DIAPH3: variants seen among roughly 807,000 people sequenced by gnomAD.
DIAPH3 encodes diaphanous related formin 3.
In DIAPH3, 117 loss-of-function variants were observed where a neutral mutation model predicts 144.3. That is an observed-to-expected ratio of 0.81 (90% confidence interval 0.70 to 0.95). The LOEUF is 0.95. DIAPH3 is among the 40% of genes least tolerant of loss of function. DIAPH3 has a pLI of 0.00. For synonymous variants in DIAPH3, 519 were observed against 488.9 expected (o/e 1.06, Z -0.81); for missense variants, 1,421 against 1,412.7 (o/e 1.01, Z -0.09).
chr13:59,844,458 C>T lies in DIAPH3; in HGVS notation c.2738-5010G>A, dbSNP rs575427898. Among the ~76,000 whole-genome samples the T allele has an allele frequency of 1.5e-3, 222 of 149,270 alleles. 1 individual carries two copies. The highest frequency in any genetic ancestry group is 4.0e-3 in the South Asian group (19 of 4,700). On this transcript the variant is annotated intron_variant, in intron 22 of 27. Transcript: ENST00000400324. ...GGCAAAGCTTGCAGTGAGCTGAGAT[C>T]GCGCCACTGCACTCCAGCCTGGGTG...
At chr13:59,867,327 G>A (rs2043987337) in intron 21 of DIAPH3, among the ~76,000 whole-genome samples, 1 of 150,684 alleles carries the variant, frequency 6.6e-6, no homozygotes, top group African/African-American at 2.4e-5. Context: ...ACAAGCCTAA[G>A]GTGCTTATGC....
chr13:59,709,242 A>C (rs2034594016), intron 27 of DIAPH3, among the ~76,000 whole-genome samples: 1 of 152,216 alleles, frequency 6.6e-6, no homozygotes, highest in Non-Finnish European at 1.5e-5. Flanking sequence ...AAAACAACAG[A>C]TTGGCTACAG....
intron 27 of DIAPH3, among the ~76,000 whole-genome samples, chr13:59,766,875 C>A (rs528829170): frequency 6.6e-6 from 1 of 152,164 alleles, no homozygotes; most frequent in East Asian, 1.9e-4. Context: ...ACCAATACTG[C>A]GTTTCTCAAG....
intron 4 of DIAPH3, among the ~76,000 whole-genome samples, chr13:60,074,383 T>C (rs2057308824): frequency 1.3e-5 from 2 of 152,182 alleles, no homozygotes; most frequent in Non-Finnish European, 2.9e-5. Flanking sequence ...CAAGGAGCAG[T>C]CATTTATGCA....
intron 9 of DIAPH3, among the ~76,000 whole-genome samples, chr13:60,003,020 A>C (rs1416251945): frequency 6.6e-6 from 1 of 152,202 alleles, no homozygotes; most frequent in African/African-American, 2.4e-5. Context: ...GTCCTTTTCT[A>C]CTAAGGAAAA....
At chr13:60,033,308 T>C (rs527620585) in intron 5 of DIAPH3, among the ~76,000 whole-genome samples, 1 of 152,214 alleles carries the variant, frequency 6.6e-6, no homozygotes, top group African/African-American at 2.4e-5. Context: ...CATTTTCAGA[T>C]ATTTTTACAG....
chr13:60,140,103 C>G (rs948424897), intron 1 of DIAPH3, among the ~76,000 whole-genome samples: 3 of 152,198 alleles, frequency 2.0e-5, no homozygotes, highest in African/African-American at 7.2e-5. Context: ...TACTAAATTA[C>G]TTCTGAGAGT....
chr13:59,763,281 T>C (rs2037698519), intron 27 of DIAPH3, among the ~76,000 whole-genome samples: 2 of 139,398 alleles, frequency 1.4e-5, no homozygotes, highest in Non-Finnish European at 1.5e-5. Context: ...CATATATACA[T>C]ATATTCACAT....
At chr13:59,901,380 T>A (rs867544355) in intron 20 of DIAPH3, among the ~76,000 whole-genome samples, 1 of 152,184 alleles carries the variant, frequency 6.6e-6, no homozygotes, top group Non-Finnish European at 1.5e-5. Flanking sequence ...GTTTGTGGTC[T>A]CTTCTGTCTA....
chr13:59,898,757 A>G (rs539548801), intron 20 of DIAPH3, among the ~76,000 whole-genome samples: 1 of 152,290 alleles, frequency 6.6e-6, no homozygotes, highest in Non-Finnish European at 1.5e-5. Context: ...TACTAGGGAG[A>G]AAAATAATGC....
At chr13:59,790,595 C>G (rs1281129700) in intron 25 of DIAPH3, among the ~76,000 whole-genome samples, 1 of 152,078 alleles carries the variant, frequency 6.6e-6, no homozygotes, top group Non-Finnish European at 1.5e-5. Flanking sequence ...ATGTAGCATC[C>G]CATTAGTATT....
At chr13:60,014,253 C>A (rs2053477111) in intron 7 of DIAPH3, among the ~76,000 whole-genome samples, 1 of 152,090 alleles carries the variant, frequency 6.6e-6, no homozygotes, top group South Asian at 2.1e-4. Context: ...AAAAGGGCTT[C>A]CTAAACCAGT....
chr13:59,930,193 C>T (rs1338950463), intron 17 of DIAPH3, among the ~76,000 whole-genome samples: 4 of 152,088 alleles, frequency 2.6e-5, no homozygotes, highest in African/African-American at 4.8e-5. Context: ...TTTTGTCTTT[C>T]ATTCAGATAA....
intron 24 of DIAPH3, among the ~76,000 whole-genome samples, chr13:59,811,959 A>G (rs1314673392): frequency 1.4e-4 from 22 of 152,080 alleles, no homozygotes; most frequent in Admixed American, 1.4e-3. Flanking sequence ...GTGCCAACAA[A>G]GAGAGTAACA....
chr13:60,006,718 A>G (rs546633056), intron 9 of DIAPH3, among the ~76,000 whole-genome samples: 2 of 152,276 alleles, frequency 1.3e-5, no homozygotes, highest in Non-Finnish European at 2.9e-5. Flanking sequence ...AGAGAAAAGA[A>G]AAGAGGAGGA....
rs531066956 is a variant in DIAPH3, at chr13:59,955,542, C to T, written c.2074+14402G>A. 2.8e-4 allele frequency among the ~76,000 whole-genome samples: 42 copies of T among 152,122 alleles called. 1 individual carries two copies. In the South Asian group the frequency reaches 6.8e-3, roughly 25 times the overall value. ...ATATCTTTATTAGCAGCATGAGAAG[C>T]GACTAATACAGTAAATTGGCACTGC... On this transcript the variant is annotated intron_variant, in intron 17 of 27. Coordinates refer to ENST00000400324, the MANE Select transcript of DIAPH3 (RefSeq NM_001042517.2).
intron 20 of DIAPH3, among the ~76,000 whole-genome samples, chr13:59,898,134 C>CAAAAAAAAAAAAAAAAAAAAAAGAA (rs2046227699): frequency 1.4e-5 from 1 of 72,196 alleles, no homozygotes; most frequent in Non-Finnish European, 2.4e-5. Flanking sequence ...GACTCTGCCT[C>CAAAAAAAAAAAAAAAAAAAAAAGAA]AAAAAAAAAA....
chr13:60,051,001 G>C (rs1057294024), intron 4 of DIAPH3, among the ~76,000 whole-genome samples: 1 of 152,176 alleles, frequency 6.6e-6, no homozygotes, highest in Admixed American at 6.6e-5. Context: ...AAACTGTGAA[G>C]ATGATGTCCA....
Position 59,970,949 on chromosome 13 carries a change from C to G in DIAPH3, c.1862G>C (p.Gly621Ala). ...GATTGGTAGAGGAGGAGAATTTTGT[C>G]CTCCAAGGAATCCCAGGGGAGGTGG... is the stretch of plus-strand genomic sequence containing the variant. The part of the protein sequence containing the change: ...PPPPPLGFLG[G>A]QNSPPLPILP... Residue 621 changes from glycine to alanine, a missense_variant, in exon 16 of 28, where the codon GGA becomes GCA. Transcript: ENST00000400324. 6.2e-7 allele frequency: 1 copy of G among 1,613,810 alleles called. No homozygotes were observed. Among genetic ancestry groups the G allele is most frequent in the Non-Finnish European group, 8.5e-7 (1 of 1,179,962 alleles).
Sources: allele counts gnomAD v4.1 joint callset (sites outside exome capture counted in the v4.1 genomes callset), GRCh38; gene constraint gnomAD v4.1.1; transcripts MANE v1.5; gene names NCBI Gene and HGNC (gene_info 2026-07-23, HGNC 2026-07-21).